The following ZNF644 variants were observed in gnomAD, a reference collection of about 807,000 sequenced individuals.
ZNF644 encodes the protein zinc finger protein 644, also known as zinc finger motif enhancer binding protein 2.
A neutral mutation model predicts 108.0 loss-of-function variants in ZNF644; 20 were observed. The observed-to-expected ratio is 0.19, with a 90% CI of 0.13 to 0.27. The LOEUF is 0.27. Among genes scored for constraint, ZNF644 ranks in the 10% least tolerant of loss-of-function variants. The pLI, the probability that ZNF644 is intolerant of heterozygous loss-of-function variation, is 1.00. For synonymous variants in ZNF644, 542 were observed against 539.1 expected (o/e 1.01, Z -0.08); for missense variants, 1,338 against 1,548.9 (o/e 0.86, Z 2.29).
chr1:91,015,881 G>GT (rs1175951218), intron 1 of ZNF644, among the ~76,000 whole-genome samples: 2 of 152,054 alleles, frequency 1.3e-5, no homozygotes, highest in African/African-American at 2.4e-5. Flanking sequence ...ACTCTAACAG[G>GT]TAACACTTAC....
chr1:90,968,677 T>C (rs931447971), intron 2 of ZNF644, among the ~76,000 whole-genome samples: 3 of 152,148 alleles, frequency 2.0e-5, no homozygotes, highest in Admixed American at 6.5e-5. Context: ...TAAAGTGGGT[T>C]GAATAAATTT....
chr1:91,019,886 T>C (rs1423076886), intron 1 of ZNF644, among the ~76,000 whole-genome samples: 3 of 152,220 alleles, frequency 2.0e-5, no homozygotes, highest in Admixed American at 2.0e-4. Context: ...TTTTAACTTA[T>C]TGTCACAGAA....
Position 90,938,794 on chromosome 1 carries a change from C to T in ZNF644, c.2560G>A (p.Glu854Lys). ...LNSAEKKDSY[E>K]TEDESSWDNV... ...TCCCAGGAACTTTCATCTTCTGTTTCATAACTATCTTTCTTTTCAGCAGAA... is the reference window on the plus strand; with the variant it reads ...TCCCAGGAACTTTCATCTTCTGTTTTATAACTATCTTTCTTTTCAGCAGAA... The change falls in exon 3 of 6, where the codon GAA becomes AAA. Residue 854 changes from glutamate (E) to lysine (K), a missense_variant. Physicochemically the swap from Glu to Lys is moderately conservative, Grantham distance 56 (BLOSUM62 1). This residue lies in a region of ZNF644 where 462 missense variants were observed against 472.6 expected (regional missense o/e 0.98). Transcript: ENST00000337393. This position sits in a 1 kb window ranked among gnomAD's most constrained non-coding sequence, Gnocchi z 4.2. 1 of 1,613,844 alleles carries T rather than the reference C, an allele frequency of 6.2e-7. No individual in the cohort carries two copies. The highest frequency in any genetic ancestry group is 8.5e-7 in the Non-Finnish European group (1 of 1,179,932).
intron 1 of ZNF644, among the ~76,000 whole-genome samples, chr1:90,990,672 A>G (rs1234638093): frequency 6.6e-6 from 1 of 152,206 alleles, no homozygotes; most frequent in African/African-American, 2.4e-5. Flanking sequence ...GTATCTAGCT[A>G]CATAATGATT....
intron 4 of ZNF644, among the ~76,000 whole-genome samples, chr1:90,920,082 T>TG (rs1007980990): frequency 2.2e-4 from 33 of 152,124 alleles, no homozygotes; most frequent in African/African-American, 7.9e-4. Flanking sequence ...GGGTTATGAG[T>TG]GATTCATACA....
In ZNF644 at chr1:90,940,491, T is replaced by C. The variant is rs940792211; in HGVS notation, c.863A>G (p.Glu288Gly). 4.3e-6 allele frequency: 7 copies of C among 1,613,890 alleles called. No homozygotes were observed. The highest frequency in any genetic ancestry group is 5.9e-6 in the Non-Finnish European group (7 of 1,179,934). The change falls in exon 3 of 6, where the codon GAA becomes GGA. Residue 288 changes from glutamate to glycine, a missense_variant. By Grantham distance (98) the Glu-to-Gly change is moderately conservative. Coordinates refer to ENST00000337393, the MANE Select transcript of ZNF644 (RefSeq NM_201269.3). ...ATCCATTTTTCGCTTTCTTTTTTTT[T>C]CTAGACCTATTTTAGAATGAGGTGG... is the stretch of plus-strand genomic sequence containing the variant. ...KAPPHSKIGL[E>G]KKRKRKMDVS...
chr1:90,951,484 T>C (rs981796335), intron 2 of ZNF644, among the ~76,000 whole-genome samples: 2 of 152,194 alleles, frequency 1.3e-5, no homozygotes, highest in Admixed American at 6.5e-5. Flanking sequence ...GGCCTTAGCA[T>C]TGACTATTCC....
rs1272291311 is a variant in ZNF644, at chr1:90,938,953, T to G, written c.2401A>C (p.Lys801Gln). Residue 801 changes from lysine to glutamine, a missense_variant, in exon 3 of 6, where the codon AAA becomes CAA. Around this residue, in one of 6 missense-constraint regions of ZNF644, gnomAD observed 462 missense variants for 472.6 expected, o/e 0.98. Coordinates refer to ENST00000337393, the MANE Select transcript of ZNF644 (RefSeq NM_201269.3). The surrounding 1 kb of genome is among the most constrained non-coding windows in gnomAD (Gnocchi z 4.2). ...KPDAKRPESF[K>Q]DHRRVAVKRV... ...TTTACAGCTACACGTCTGTGATCTTTGAAGCTTTCAGGCCTTTTGGCGTCA... is the reference window on the plus strand; with the variant it reads ...TTTACAGCTACACGTCTGTGATCTTGGAAGCTTTCAGGCCTTTTGGCGTCA... 2 of 1,613,948 alleles carry G rather than the reference T, an allele frequency of 1.2e-6. No individual in the cohort carries two copies. Among genetic ancestry groups the G allele is most frequent in the African/African-American group, 2.7e-5 (2 of 74,932 alleles).
chr1:90,977,406 A>T (rs929188313), intron 2 of ZNF644, among the ~76,000 whole-genome samples: 1 of 152,196 alleles, frequency 6.6e-6, no homozygotes, highest in African/African-American at 2.4e-5. Context: ...TAAAACACAA[A>T]GGTATGTTAA....
intron 1 of ZNF644, among the ~76,000 whole-genome samples, chr1:91,013,438 T>C (rs165170): frequency 0.14 from 20,072 of 146,354 alleles, 1,388 homozygotes; most frequent in South Asian, 0.16. Flanking sequence ...AATATATATT[T>C]CCAATCTCTC....
At chr1:90,917,599 G>C (rs530260404) in intron 5 of ZNF644, among the ~76,000 whole-genome samples, 266 of 152,226 alleles carry the variant, frequency 1.7e-3, no homozygotes, top group Non-Finnish European at 2.7e-3. Context: ...CTGGGCTCAA[G>C]CAATTCTCCT....
At chr1:90,986,999 C>T (rs1041150793) in intron 1 of ZNF644, among the ~76,000 whole-genome samples, 3 of 150,100 alleles carry the variant, frequency 2.0e-5, no homozygotes, top group Admixed American at 6.6e-5. Context: ...CAAACCATTA[C>T]GTTATGAGAT....
intron 1 of ZNF644, among the ~76,000 whole-genome samples, chr1:90,991,538 G>A (rs1657636213): frequency 6.6e-6 from 1 of 152,198 alleles, no homozygotes; most frequent in South Asian, 2.1e-4. Flanking sequence ...GAAGAAAAGA[G>A]GTTTAACTGA....
intron 1 of ZNF644, among the ~76,000 whole-genome samples, chr1:91,016,968 G>A (rs1660488432): frequency 6.6e-6 from 1 of 152,140 alleles, no homozygotes. Context: ...AAGTAGCTGG[G>A]ACTACAGGCA....
In ZNF644 at chr1:90,937,592, T is replaced by C. The variant is rs1265288061; in HGVS notation, c.3581A>G (p.His1194Arg). The part of the protein sequence containing the change: ...RNSAISPQKI[H>R]NQTARKRFVQ... ...GAATCTCTTTCTTGCTGTCTGATTA[T>C]GGATCTTTTGAGGAGAAATAGCAGA... The change falls in exon 4 of 6, where the codon CAT (histidine) becomes CGT (arginine). Residue 1194 changes from histidine (H) to arginine (R), a missense_variant. Transcript: ENST00000337393. 1.2e-6 allele frequency: 2 copies of C among 1,613,988 alleles called. No individual in the cohort carries two copies. Among genetic ancestry groups the C allele is most frequent in the Admixed American group, 1.7e-5 (1 of 60,024 alleles).
chr1:90,964,154 C>G lies in ZNF644; in HGVS notation c.44+18156G>C, dbSNP rs906516578. Among the ~76,000 whole-genome samples, 14 of 152,182 alleles carry G rather than the reference C, an allele frequency of 9.2e-5. No individual in the cohort carries two copies. In the East Asian group the frequency reaches 2.7e-3, roughly 29 times the overall value. On this transcript the variant is annotated intron_variant, in intron 2 of 5. Transcript: ENST00000337393. ...AAGGGCTGCTTGATTTTTCAATATG[C>G]TGCAGGAAGACATCATTCAATATAT...
At chr1:91,016,559 A>T (rs76491931) in intron 1 of ZNF644, among the ~76,000 whole-genome samples, 1,700 of 152,340 alleles carry the variant, frequency 0.011, 14 homozygotes, top group South Asian at 0.021. Context: ...TTACAATCTT[A>T]TGGGACCACC....
At chr1:90,954,690 A>G (rs974089931) in intron 2 of ZNF644, among the ~76,000 whole-genome samples, 2 of 152,214 alleles carry the variant, frequency 1.3e-5, no homozygotes, top group African/African-American at 4.8e-5. Flanking sequence ...TACAGGCGTG[A>G]GCCATGGCAC....
chr1:90,937,358 T>C, intron 4 of ZNF644, 127 bp downstream of exon 4: 2 of 1,248,764 alleles, frequency 1.6e-6, no homozygotes, highest in Non-Finnish European at 2.3e-6. Flanking sequence ...ATCTGTGCTC[T>C]GTAAAAAAAA....
Sources: allele counts gnomAD v4.1 joint callset (sites outside exome capture counted in the v4.1 genomes callset), GRCh38; gene constraint gnomAD v4.1.1; regional missense constraint gnomAD v4.1.1; non-coding constraint Gnocchi (gnomAD v3.1); transcripts MANE v1.5; gene names NCBI Gene and HGNC (gene_info 2026-07-23, HGNC 2026-07-21).